The following NHSL3 variants were observed in gnomAD, a reference collection of about 807,000 sequenced individuals.
NHSL3 encodes the protein NHS-like protein 3.
chr1:32,753,469 C>T, the NHSL3 span, among the ~76,000 whole-genome samples: 1 of 151,396 alleles, frequency 6.6e-6, no homozygotes. Context: ...TGGGTGACAG[C>T]GAGACTTGGT....
the NHSL3 span, chr1:32,754,130 C>T: frequency 2.8e-6 from 2 of 712,250 alleles, no homozygotes; most frequent in Admixed American, 2.0e-5. Flanking sequence ...CCCAGCGGTC[C>T]CCGGGTCCGC....
At chr1:32,769,286 T>C in the NHSL3 span, among the ~76,000 whole-genome samples, 2 of 152,070 alleles carry the variant, frequency 1.3e-5, no homozygotes, top group African/African-American at 2.4e-5. Context: ...TAGAAAATCT[T>C]AACTGTTGGA....
At chr1:32,752,900 T>C in the NHSL3 span, among the ~76,000 whole-genome samples, 1 of 91,236 alleles carries the variant, frequency 1.1e-5, no homozygotes. Context: ...AAAAAAAACA[T>C]GCACACACAC....
At chr1:32,745,607 C>A in the NHSL3 span, among the ~76,000 whole-genome samples, 2 of 151,382 alleles carry the variant, frequency 1.3e-5, no homozygotes, top group Non-Finnish European at 2.9e-5. Context: ...TGGTCTGCCC[C>A]TCTCAAGCTA....
At chr1:32,755,039 C>T in the NHSL3 span, among the ~76,000 whole-genome samples, 1 of 152,068 alleles carries the variant, frequency 6.6e-6, no homozygotes, top group Non-Finnish European at 1.5e-5. Context: ...CTCCGCGGGT[C>T]ACATTCCAGG....
At chr1:32,767,707 A>T in the NHSL3 span, 1 of 1,284,272 alleles carries the variant, frequency 7.8e-7, no homozygotes, top group Non-Finnish European at 1.1e-6. Flanking sequence ...GGGGACCATG[A>T]CTGCCCTTGC....
At chr1:32,765,716 C>T in the NHSL3 span, 4 of 1,544,758 alleles carry the variant, frequency 2.6e-6, no homozygotes, top group Middle Eastern at 1.7e-4. Flanking sequence ...GCCCCGCGCT[C>T]TGCTCTGGAG....
the NHSL3 span, among the ~76,000 whole-genome samples, chr1:32,760,374 C>T: frequency 2.6e-3 from 395 of 152,312 alleles, no homozygotes; most frequent in African/African-American, 8.9e-3. Flanking sequence ...CAAGACAGTG[C>T]GTGCGCATGC....
the NHSL3 span, among the ~76,000 whole-genome samples, chr1:32,745,418 C>T: frequency 4.6e-5 from 7 of 151,832 alleles, no homozygotes; most frequent in African/African-American, 1.2e-4. Flanking sequence ...ATTAGCTGGG[C>T]GTGGTGGCGC....
chr1:32,761,528 A>G, the NHSL3 span, among the ~76,000 whole-genome samples: 1 of 152,162 alleles, frequency 6.6e-6, no homozygotes, highest in Admixed American at 6.5e-5. Flanking sequence ...TTCCCTGGTT[A>G]GAGGGTAGCT....
At chr1:32,769,822 G>A in the NHSL3 span, 1 of 1,610,702 alleles carries the variant, frequency 6.2e-7, no homozygotes, top group Non-Finnish European at 8.5e-7. Context: ...GGTGGGGTGG[G>A]TGGGGAGCCT....
chr1:32,771,828 C>T, the NHSL3 span: 1 of 1,611,326 alleles, frequency 6.2e-7, no homozygotes, highest in Admixed American at 1.7e-5. Context: ...CGCCCTCGCT[C>T]CTGCAGATGG....
chr1:32,752,948 CACATATATAT>C, the NHSL3 span, among the ~76,000 whole-genome samples: 173 of 32,180 alleles, frequency 5.4e-3, 1 homozygote, highest in African/African-American at 0.022. Context: ...CACACACACA[CACATATATAT>C]ATATATATAT....
the NHSL3 span, among the ~76,000 whole-genome samples, chr1:32,745,123 A>AAAAAAAAAAAG: frequency 6.9e-6 from 1 of 145,412 alleles, no homozygotes; most frequent in Non-Finnish European, 1.5e-5. Flanking sequence ...GAGACTCAGA[A>AAAAAAAAAAAG]AAAAAAAAAA....
chr1:32,742,111 G>T, the NHSL3 span: 1 of 1,249,456 alleles, frequency 8.0e-7, no homozygotes, highest in African/African-American at 1.6e-5. Flanking sequence ...GGCGGCGGGG[G>T]CCGAGGGCGC....
chr1:32,754,838 C>A, the NHSL3 span, among the ~76,000 whole-genome samples: 2 of 152,164 alleles, frequency 1.3e-5, no homozygotes, highest in Non-Finnish European at 2.9e-5. Flanking sequence ...CTGGGGACCG[C>A]CTCCATCTGG....
chr1:32,744,181 GA>G, the NHSL3 span, among the ~76,000 whole-genome samples: 2 of 152,078 alleles, frequency 1.3e-5, no homozygotes, highest in Non-Finnish European at 2.9e-5. Flanking sequence ...CTTTGCTGGG[GA>G]AGTCATTATC....
chr1:32,767,777 C>T, the NHSL3 span: 34 of 1,598,248 alleles, frequency 2.1e-5, no homozygotes, highest in East Asian at 1.1e-4. Flanking sequence ...TTCCTCCTCC[C>T]TCCTACTAGG....
At chr1:32,750,136 C>T in the NHSL3 span, among the ~76,000 whole-genome samples, 2 of 152,200 alleles carry the variant, frequency 1.3e-5, no homozygotes, top group East Asian at 3.9e-4. Flanking sequence ...CAAAGGCCAC[C>T]TCTAGCCCGT....
Sources: gnomAD v4.1 joint callset for allele counts (sites outside exome capture counted in the v4.1 genomes callset) on GRCh38, gnomAD v4.1.1 for gene constraint, MANE v1.5 for transcripts, NCBI Gene and HGNC (gene_info 2026-07-23, HGNC 2026-07-21) for gene names.